CALM2: variants seen among roughly 807,000 people sequenced by gnomAD.
CALM2 encodes calmodulin 2.
CALM2 carries 2 observed loss-of-function variants against 19.8 expected under a neutral mutation model. That is an observed-to-expected ratio of 0.10 (90% CI 0.04 to 0.32). CALM2 has a LOEUF of 0.32. Ranked by LOEUF, CALM2 falls within the 10% of genes least tolerant of loss-of-function variation. The pLI, the probability that CALM2 is intolerant of heterozygous loss-of-function variation, is 1.00. For synonymous variants in CALM2, 51 were observed against 52.1 expected, an observed-to-expected ratio of 0.98 and a Z score of 0.09; for missense variants, 38 against 178.7, an observed-to-expected ratio of 0.21 and a Z score of 4.49.
At chr2:47,172,496 T>C (rs1666703580) in intron 1 of CALM2, 2 of 1,220,782 alleles carry the variant, frequency 1.6e-6, no homozygotes. Context: ...TTCATATAAA[T>C]TAACAAAGAA....
intron 2 of CALM2, among the ~76,000 whole-genome samples, chr2:47,170,340 A>G (rs1199024100): frequency 6.6e-6 from 1 of 152,168 alleles, no homozygotes; most frequent in Non-Finnish European, 1.5e-5. Context: ...GGTAAATTCA[A>G]TTGTTCCTTT....
chr2:47,170,714 T>G lies in CALM2; in HGVS notation c.34+20A>C. The G allele has an allele frequency of 1.3e-6, 2 of 1,598,262 alleles. No homozygotes were observed. Among genetic ancestry groups the G allele is most frequent in the Non-Finnish European group, 1.7e-6 (2 of 1,165,552 alleles). ...TATAATAAGAATCTAATGGGTACAA[T>G]CTAGCTGAGTATTTCTCACCTGCAA... On this transcript the variant is annotated intron_variant, in intron 2 of 5. Transcript: ENST00000272298.
At chr2:47,174,811 C>T (rs570049588) in intron 1 of CALM2, among the ~76,000 whole-genome samples, 2 of 152,228 alleles carry the variant, frequency 1.3e-5, no homozygotes, top group East Asian at 3.9e-4. Flanking sequence ...GTAACTACAT[C>T]TTTAAGAAAG....
chr2:47,163,438 G>GCT (rs1666322872), intron 2 of CALM2: 1 of 147,582 alleles, frequency 6.8e-6, no homozygotes, highest in African/African-American at 2.5e-5. Context: ...TCCTGCTGTT[G>GCT]TTTTTTTTTT....
intron 2 of CALM2, among the ~76,000 whole-genome samples, chr2:47,164,747 C>T (rs561730084): frequency 6.6e-6 from 1 of 152,172 alleles, no homozygotes; most frequent in East Asian, 1.9e-4. Flanking sequence ...AAAAAGTTTC[C>T]AAGTTCATTG....
rs554371845 is a variant in CALM2, at chr2:47,175,894, C to T, written c.3+547G>A. Among the ~76,000 whole-genome samples, 14 of 149,384 alleles carry T rather than the reference C, an allele frequency of 9.4e-5. No individual in the cohort carries two copies. In the South Asian group the frequency reaches 2.3e-3, roughly 24 times the overall value. On this transcript the variant is annotated intron_variant, in intron 1 of 5. Coordinates refer to ENST00000272298, the MANE Select transcript of CALM2 (RefSeq NM_001743.6). ...GCGCGCCGCCCGCCCGCCCGCGCGC[C>T]CCCTGGATCCCGGCACGCGGAGGAC...
chr2:47,165,359 G>C (rs756897181), intron 2 of CALM2, among the ~76,000 whole-genome samples: 1 of 152,222 alleles, frequency 6.6e-6, no homozygotes, highest in Non-Finnish European at 1.5e-5. Flanking sequence ...AATGTGCCCA[G>C]TAAGTGGGGT....
intron 4 of CALM2, among the ~76,000 whole-genome samples, chr2:47,162,073 C>A (rs1687172622): frequency 6.7e-6 from 1 of 149,482 alleles, no homozygotes; most frequent in African/African-American, 2.5e-5. Context: ...TCAAGTGACA[C>A]CTCCTTTGAC....
At chr2:47,174,891 G>A (rs910099532) in intron 1 of CALM2, among the ~76,000 whole-genome samples, 4 of 152,110 alleles carry the variant, frequency 2.6e-5, no homozygotes, top group African/African-American at 9.6e-5. Context: ...TCCATCAAAC[G>A]TCAATGAACG....
intron 1 of CALM2, among the ~76,000 whole-genome samples, chr2:47,175,882 CCGCCCGCG>C (rs1006653785): frequency 1.0e-3 from 149 of 148,966 alleles, no homozygotes; most frequent in Non-Finnish European, 4.6e-4. Flanking sequence ...CGCCGCCCGC[CCGCCCGCG>C]CGCCCCCTGG....
chr2:47,160,849 CCAAAA>C (rs1558693829), intron 5 of CALM2, 45 bp from the exon 6 acceptor site: 12 of 342,418 alleles, frequency 3.5e-5, no homozygotes, highest in South Asian at 1.3e-4. Flanking sequence ...TAGCAAAAGA[CCAAAA>C]AAAAAAAAAA....
chr2:47,166,389 T>A (rs1199309813), intron 2 of CALM2, among the ~76,000 whole-genome samples: 2 of 152,202 alleles, frequency 1.3e-5, no homozygotes, highest in East Asian at 3.8e-4. Flanking sequence ...CACCTTTCTA[T>A]TACATGATTT....
intron 2 of CALM2, chr2:47,167,649 AT>A (rs1666520073): frequency 7.5e-6 from 1 of 133,932 alleles, no homozygotes; most frequent in Non-Finnish European, 1.5e-5. Context: ...AGCCAAGATC[AT>A]GCTACTGCAC....
At chr2:47,170,192 G>C (rs1306535882) in intron 2 of CALM2, among the ~76,000 whole-genome samples, 1 of 152,160 alleles carries the variant, frequency 6.6e-6, no homozygotes, top group Non-Finnish European at 1.5e-5. Context: ...TGTTTTTTAA[G>C]AGAAAAATCC....
chr2:47,175,097 T>TTTTTTTTTTTTTTCC (rs751897252), intron 1 of CALM2, among the ~76,000 whole-genome samples: 16 of 126,646 alleles, frequency 1.3e-4, no homozygotes, highest in African/African-American at 6.3e-4. Context: ...TTTTTTTTTT[T>TTTTTTTTTTTTTTCC]TCAGGAAAGA....
chr2:47,165,173 C>T (rs1442203917), intron 2 of CALM2, among the ~76,000 whole-genome samples: 1 of 152,292 alleles, frequency 6.6e-6, no homozygotes, highest in Middle Eastern at 3.4e-3. Context: ...GTCAGTCACC[C>T]AATCCATCAA....
At chr2:47,172,358 G>A (rs1466848888) in intron 1 of CALM2, 11 of 480,860 alleles carry the variant, frequency 2.3e-5, no homozygotes, top group Admixed American at 5.0e-5. Flanking sequence ...GACCTTGGAC[G>A]TGGTACTCCT....
In CALM2 at chr2:47,176,045, G is replaced by A. The variant is rs1008197336; in HGVS notation, c.3+396C>T. Among the ~76,000 whole-genome samples the A allele has an allele frequency of 3.9e-5, 6 of 152,144 alleles. No homozygotes were observed. In the South Asian group the frequency reaches 1.0e-3, roughly 26 times the overall value. The stretch of plus-strand genomic sequence containing the variant: ...GCCCGCACTAACCGTCGGTCGGGTG[G>A]ATTGAATTCGCCCCCTGCTTGACCT... On this transcript the variant is annotated intron_variant, in intron 1 of 5. Coordinates refer to ENST00000272298, the MANE Select transcript of CALM2 (RefSeq NM_001743.6).
chr2:47,176,430 G>C lies in CALM2; in HGVS notation c.3+11C>G. On this transcript the variant is annotated intron_variant, in intron 1 of 5. Coordinates refer to ENST00000272298, the MANE Select transcript of CALM2 (RefSeq NM_001743.6). ...ACAGGCCCAGCGCCGGCAGCTCAGC[G>C]ATGCACTCACCATGCTGCAAGCGCT... is the stretch of plus-strand genomic sequence containing the variant. The C allele has an allele frequency of 2.5e-6, 4 of 1,613,150 alleles. No individual in the cohort carries two copies. The highest frequency in any genetic ancestry group is 2.5e-6 in the Non-Finnish European group (3 of 1,179,916).
Sources: allele counts gnomAD v4.1 joint callset (sites outside exome capture counted in the v4.1 genomes callset), GRCh38; gene constraint gnomAD v4.1.1; transcripts MANE v1.5; gene names NCBI Gene and HGNC (gene_info 2026-07-23, HGNC 2026-07-21).